ROBO2: variants seen among roughly 807,000 people sequenced by gnomAD.
ROBO2 encodes the protein roundabout homolog 2.
ROBO2 carries 53 observed loss-of-function variants against 160.8 expected under a neutral mutation model. The observed-to-expected ratio is 0.33, with a 90% confidence interval of 0.26 to 0.41. The LOEUF is 0.41. ROBO2 is among the 10% of genes least tolerant of loss of function. The pLI is 1.00. For missense variants in ROBO2, 1,577 were observed against 1,722.4 expected (o/e 0.92, Z 1.49); for synonymous variants, 664 against 611.7 (o/e 1.09, Z -1.26).
At position 77,429,116 on chromosome 3, in the gene ROBO2, G is replaced by A. The variant is rs565807768; in HGVS notation, c.389-48298G>A. Among the ~76,000 whole-genome samples, 23 of 152,200 alleles carry A rather than the reference G, an allele frequency of 1.5e-4. No homozygotes were observed. The East Asian group carries it at 3.9e-3, about 26-fold the overall frequency. On this transcript the variant is annotated intron_variant, in intron 2 of 25. Transcript: ENST00000461745. Reference sequence around the variant, plus strand: ...ACAAAAAAGAGCAAACTTCAGAGTCGTATCCTATTGTGACACAAATCAGCT... The same window carrying A: ...ACAAAAAAGAGCAAACTTCAGAGTCATATCCTATTGTGACACAAATCAGCT...
intron 2 of ROBO2, among the ~76,000 whole-genome samples, chr3:77,273,086 G>T (rs570264493): frequency 6.6e-6 from 1 of 152,250 alleles, no homozygotes; most frequent in African/African-American, 2.4e-5. Context: ...TACCCAATAC[G>T]TAGTTTTTCA....
chr3:77,567,035 G>C (rs2093503559), intron 12 of ROBO2, among the ~76,000 whole-genome samples: 1 of 151,480 alleles, frequency 6.6e-6, no homozygotes, highest in Non-Finnish European at 1.5e-5. Flanking sequence ...TTCACATAAA[G>C]GGACTTTTTT....
rs553200383 is a variant in ROBO2, at chr3:76,935,120, T to G, written c.110-162894T>G. Among the ~76,000 whole-genome samples, 9 of 152,062 alleles carry G rather than the reference T, an allele frequency of 5.9e-5. No homozygotes were observed. The South Asian group carries it at 1.9e-3, about 32-fold the overall frequency. Reference sequence around the variant, plus strand: ...GCACATGCCACCACACCTGGCTAATTTTTTGTATTTTTAGTAGAGATGGTG... The same window carrying G: ...GCACATGCCACCACACCTGGCTAATGTTTTGTATTTTTAGTAGAGATGGTG... On this transcript the variant is annotated intron_variant, in intron 2 of 26. Transcript: ENST00000487694.
At chr3:77,296,149 T>G (rs182810474) in intron 2 of ROBO2, among the ~76,000 whole-genome samples, 214 of 151,422 alleles carry the variant, frequency 1.4e-3, no homozygotes, top group Non-Finnish European at 2.6e-3. Flanking sequence ...AAAGTAAAAT[T>G]GACGGCTAAA....
At chr3:77,134,278 G>T (rs559784825) in intron 2 of ROBO2, among the ~76,000 whole-genome samples, 1 of 152,264 alleles carries the variant, frequency 6.6e-6, no homozygotes, top group African/African-American at 2.4e-5. Flanking sequence ...TTTTCTCCAT[G>T]ATAGGTAAGC....
intron 2 of ROBO2, among the ~76,000 whole-genome samples, chr3:77,452,322 T>C (rs2081200455): frequency 6.6e-6 from 1 of 152,204 alleles, no homozygotes; most frequent in African/African-American, 2.4e-5. Flanking sequence ...CTTTATTTCA[T>C]AGGAATATTG....
At chr3:77,132,510 C>A (rs1475346372) in intron 2 of ROBO2, among the ~76,000 whole-genome samples, 1 of 152,000 alleles carries the variant, frequency 6.6e-6, no homozygotes, top group Non-Finnish European at 1.5e-5. Flanking sequence ...ATTATTTATA[C>A]CACAAGGAAG....
At chr3:76,298,056 A>G (rs994375589) in intron 2 of ROBO2, among the ~76,000 whole-genome samples, 2 of 152,184 alleles carry the variant, frequency 1.3e-5, no homozygotes, top group African/African-American at 4.8e-5. Context: ...CATTAGTCCC[A>G]GCCCTGAAAC....
intron 2 of ROBO2, among the ~76,000 whole-genome samples, chr3:76,797,579 A>G (rs2063800297): frequency 6.6e-6 from 1 of 151,916 alleles, no homozygotes; most frequent in Non-Finnish European, 1.5e-5. Context: ...AAATAAAAAG[A>G]TCAGATTAGA....
At chr3:77,514,664 G>T (rs2089803356) in intron 5 of ROBO2, among the ~76,000 whole-genome samples, 1 of 151,766 alleles carries the variant, frequency 6.6e-6, no homozygotes, top group South Asian at 2.1e-4. Flanking sequence ...ACACTATAAA[G>T]ATGTCTTTAA....
At chr3:76,237,325 G>A (rs538121381) in intron 2 of ROBO2, among the ~76,000 whole-genome samples, 14 of 152,102 alleles carry the variant, frequency 9.2e-5, no homozygotes, top group Admixed American at 8.5e-4. Context: ...AATCATTAAT[G>A]GTTTTGTTTT....
In ROBO2 at chr3:76,365,512, G is replaced by A. The variant is rs557891310; in HGVS notation, c.109+427910G>A. On this transcript the variant is annotated intron_variant, in intron 2 of 26. Transcript: ENST00000487694. ...TTAGAAATTACTCATAGCCGGGTGA[G>A]AGCTAGATGAATAGCAATTTAGACC... 1.9e-4 allele frequency among the ~76,000 whole-genome samples: 29 copies of A among 152,102 alleles called. No homozygotes were observed. The South Asian group carries it at 5.8e-3, about 30-fold the overall frequency.
chr3:77,363,343 T>C (rs532538476), intron 2 of ROBO2, among the ~76,000 whole-genome samples: 43 of 152,206 alleles, frequency 2.8e-4, no homozygotes, highest in Non-Finnish European at 5.4e-4. Flanking sequence ...TGGTGGCCTG[T>C]ATATTCTTGT....
chr3:76,566,420 T>C (rs1042746900), intron 2 of ROBO2, among the ~76,000 whole-genome samples: 1 of 152,176 alleles, frequency 6.6e-6, no homozygotes. Context: ...CTCGGGCTTC[T>C]GTGTCCCTTA....
intron 21 of ROBO2, among the ~76,000 whole-genome samples, chr3:77,611,241 T>C (rs988993919): frequency 4.0e-5 from 6 of 149,606 alleles, no homozygotes; most frequent in African/African-American, 1.5e-4. Flanking sequence ...GAATTCGCAG[T>C]GAGCCGAGAT....
chr3:77,090,368 T>C (rs1336727489), intron 1 of ROBO2, among the ~76,000 whole-genome samples: 1 of 84,576 alleles, frequency 1.2e-5, no homozygotes, highest in Non-Finnish European at 2.2e-5. Flanking sequence ...TTTTTTTTTT[T>C]TTTGAGACGG....
intron 2 of ROBO2, among the ~76,000 whole-genome samples, chr3:77,027,686 C>T (rs55928067): frequency 0.067 from 10,127 of 152,120 alleles, 1,083 homozygotes; most frequent in African/African-American, 0.23. Flanking sequence ...AGCCAGCTGT[C>T]GGACCGTGGA....
intron 16 of ROBO2, among the ~76,000 whole-genome samples, chr3:77,587,782 T>C (rs2094090399): frequency 6.6e-6 from 1 of 152,134 alleles, no homozygotes; most frequent in East Asian, 1.9e-4. Context: ...AAATGTGCCA[T>C]TTATATTTTG....
rs747417944 is a variant in ROBO2, at chr3:76,519,615, G to C, written c.110-578399G>C. On this transcript the variant is annotated intron_variant, in intron 2 of 26. Coordinates refer to the ROBO2 transcript ENST00000487694. ...TATACTACAATCTCCCAGATTTTAC[G>C]CTTCTCACTTTTGTATACCCGGGGA... is the stretch of plus-strand genomic sequence containing the variant. Among the ~76,000 whole-genome samples, 4 of 152,126 alleles carry C rather than the reference G, an allele frequency of 2.6e-5. No individual in the cohort carries two copies. The South Asian group carries it at 6.2e-4, about 24-fold the overall frequency.
Sources: allele counts gnomAD v4.1 joint callset (sites outside exome capture counted in the v4.1 genomes callset), GRCh38; gene constraint gnomAD v4.1.1; transcripts MANE v1.5; gene names NCBI Gene and HGNC (gene_info 2026-07-23, HGNC 2026-07-21).